TECRL: variants seen among roughly 807,000 people sequenced by gnomAD.
The protein encoded by TECRL is trans-2,3-enoyl-CoA reductase-like.
A neutral mutation model predicts 52.8 loss-of-function variants in TECRL; 63 were observed. The ratio of observed to expected loss-of-function variants is 1.19; its 90% CI spans 0.97 to 1.47. TECRL has a LOEUF of 1.47. TECRL is among the 40% of genes most tolerant of loss of function. The pLI, the probability that TECRL is intolerant of heterozygous loss-of-function variation, is 0.00. For synonymous variants in TECRL, 164 were observed against 141.9 expected (o/e 1.16, Z -1.10); for missense variants, 482 against 429.6 (o/e 1.12, Z -1.08).
chr4:64,345,272 T>C (rs563876317), intron 2 of TECRL, among the ~76,000 whole-genome samples: 1 of 152,058 alleles, frequency 6.6e-6, no homozygotes, highest in Non-Finnish European at 1.5e-5. Flanking sequence ...TGCGGCACTA[T>C]TCACAATAGC....
At chr4:64,304,899 T>G in intron 7 of TECRL, 1 of 245,620 alleles carries the variant, frequency 4.1e-6, no homozygotes, top group Non-Finnish European at 7.7e-6. Flanking sequence ...TTATCTTTAA[T>G]TGTTGTTTTT....
chr4:64,279,859 G>A lies in TECRL; in HGVS notation c.*213C>T. The A allele has an allele frequency of 9.1e-7, 1 of 1,095,058 alleles. No individual in the cohort carries two copies. The highest frequency in any genetic ancestry group is 1.1e-6 in the Non-Finnish European group (1 of 901,144). 67.8% of individuals were successfully genotyped at this position (1,095,058 alleles called of 1,614,324 possible). ...GACCAATCCCATGCAAATACATTCA[G>A]AGCTGTTCTTAGTTAATTGCATTTA... On this transcript the variant is annotated 3_prime_UTR_variant, in exon 12 of 12. Coordinates refer to ENST00000381210, the MANE Select transcript of TECRL (RefSeq NM_001010874.5).
chr4:64,340,394 G>A (rs1719474769), intron 2 of TECRL, among the ~76,000 whole-genome samples: 3 of 152,252 alleles, frequency 2.0e-5, no homozygotes, highest in African/African-American at 7.2e-5. Flanking sequence ...CCTTCACAGG[G>A]TTGAAAGTGT....
At chr4:64,319,651 T>C (rs1488044686) in intron 4 of TECRL, among the ~76,000 whole-genome samples, 5 of 151,860 alleles carry the variant, frequency 3.3e-5, no homozygotes, top group East Asian at 1.9e-4. Flanking sequence ...ACCCCTAATA[T>C]TCATTGCAGC....
chr4:64,312,064 C>T (rs1424268647), intron 5 of TECRL, among the ~76,000 whole-genome samples: 2 of 152,116 alleles, frequency 1.3e-5, no homozygotes, highest in African/African-American at 2.4e-5. Flanking sequence ...CTTTAGTCCC[C>T]GTGTGCGGAG....
At chr4:64,346,726 G>A (rs1720015540) in intron 2 of TECRL, among the ~76,000 whole-genome samples, 1 of 152,172 alleles carries the variant, frequency 6.6e-6, no homozygotes, top group Admixed American at 6.5e-5. Context: ...TCTCTGAGGT[G>A]CCCTGGAGAA....
At chr4:64,326,851 T>C (rs1392762740) in intron 3 of TECRL, among the ~76,000 whole-genome samples, 3 of 152,154 alleles carry the variant, frequency 2.0e-5, no homozygotes, top group Admixed American at 2.0e-4. Flanking sequence ...TATAGAAGTC[T>C]CTAATATTCA....
intron 8 of TECRL, among the ~76,000 whole-genome samples, chr4:64,293,563 AC>A (rs1723511518): frequency 1.3e-5 from 2 of 152,126 alleles, no homozygotes; most frequent in African/African-American, 4.8e-5. Flanking sequence ...TTGGTCAGTA[AC>A]CCGCTGTCAT....
chr4:64,288,880 C>T (rs1723224056), intron 9 of TECRL, among the ~76,000 whole-genome samples: 1 of 152,196 alleles, frequency 6.6e-6, no homozygotes, highest in Non-Finnish European at 1.5e-5. Context: ...GCCCATCACA[C>T]AACCAATTCT....
chr4:64,342,029 C>T (rs1278666212), intron 2 of TECRL, among the ~76,000 whole-genome samples: 3 of 152,176 alleles, frequency 2.0e-5, no homozygotes, highest in Non-Finnish European at 2.9e-5. Flanking sequence ...CCTGCCAGGC[C>T]GAGTGGGCAG....
At chr4:64,317,873 A>G (rs975285043) in intron 4 of TECRL, among the ~76,000 whole-genome samples, 2 of 152,198 alleles carry the variant, frequency 1.3e-5, no homozygotes, top group Non-Finnish European at 2.9e-5. Flanking sequence ...ACCTTGCATA[A>G]GAAGCCTCAT....
rs180811925 is a variant in TECRL at position 64,308,958 on chromosome 4, A to T, written c.657+868T>A. The stretch of plus-strand genomic sequence containing the variant: ...AAGATACACTAATATTTTTCTAACA[A>T]TTAGTGAATTTAAAAAATAAATTAT... On this transcript the variant is annotated intron_variant, in intron 6 of 11. Coordinates refer to ENST00000381210, the MANE Select transcript of TECRL (RefSeq NM_001010874.5). Among the ~76,000 whole-genome samples, 143 of 152,326 alleles carry T rather than the reference A, an allele frequency of 9.4e-4. 1 individual carries two copies. In the East Asian group the frequency reaches 0.025, roughly 26 times the overall value.
intron 2 of TECRL, among the ~76,000 whole-genome samples, chr4:64,333,655 C>A (rs547420033): frequency 1.3e-5 from 2 of 151,954 alleles, no homozygotes; most frequent in African/African-American, 2.4e-5. Context: ...AGGAAGAATG[C>A]ACAAAACAAA....
intron 1 of TECRL, among the ~76,000 whole-genome samples, chr4:64,393,657 T>C (rs1241862501): frequency 6.6e-6 from 1 of 151,842 alleles, no homozygotes; most frequent in African/African-American, 2.4e-5. Flanking sequence ...TGAGTAGTTT[T>C]ACTATCTTAC....
intron 2 of TECRL, among the ~76,000 whole-genome samples, chr4:64,352,456 A>T (rs548476777): frequency 6.6e-6 from 1 of 152,334 alleles, no homozygotes; most frequent in African/African-American, 2.4e-5. Flanking sequence ...GGAAGCCTGC[A>T]TGATTCATAA....
chr4:64,385,875 G>A (rs1474114952), intron 1 of TECRL, among the ~76,000 whole-genome samples: 1 of 152,050 alleles, frequency 6.6e-6, no homozygotes, highest in Non-Finnish European at 1.5e-5. Flanking sequence ...TGTACCATTG[G>A]GAAACTCTTG....
chr4:64,282,117 A>G (rs1722859069), intron 9 of TECRL, among the ~76,000 whole-genome samples: 1 of 151,962 alleles, frequency 6.6e-6, no homozygotes, highest in African/African-American at 2.4e-5. Context: ...CTGAGATACC[A>G]CGTTTCTGTT....
intron 9 of TECRL, among the ~76,000 whole-genome samples, chr4:64,282,655 G>A (rs1215085820): frequency 6.6e-6 from 1 of 152,010 alleles, no homozygotes; most frequent in East Asian, 1.9e-4. Flanking sequence ...TTTAGAGCCT[G>A]TAGTTTATGA....
chr4:64,337,352 T>C lies in TECRL; in HGVS notation c.287-8796A>G, dbSNP rs1429362625. On this transcript the variant is annotated intron_variant, in intron 2 of 11. Coordinates refer to ENST00000381210, the MANE Select transcript of TECRL (RefSeq NM_001010874.5). ...ATGGGCAAAAACTGGAAGCATTCCC[T>C]TTGAAAACTGGCACAAGACAGGAAT... Among the ~76,000 whole-genome samples the C allele has an allele frequency of 2.6e-5, 4 of 152,160 alleles. No homozygotes were observed. In the East Asian group the frequency reaches 7.7e-4, roughly 29 times the overall value.
Sources: allele counts gnomAD v4.1 joint callset (sites outside exome capture counted in the v4.1 genomes callset), GRCh38; gene constraint gnomAD v4.1.1; transcripts MANE v1.5; gene names NCBI Gene and HGNC (gene_info 2026-07-23, HGNC 2026-07-21).